ARHGAP39: variants seen among roughly 807,000 people sequenced by gnomAD.
ARHGAP39 encodes Rho GTPase activating protein 39.
A neutral mutation model predicts 106.9 loss-of-function variants in ARHGAP39; 44 were observed. The observed-to-expected ratio is 0.41, with a 90% CI of 0.32 to 0.53. ARHGAP39 has a LOEUF of 0.53. ARHGAP39 is among the 20% of genes least tolerant of loss of function. ARHGAP39 has a pLI of 0.21. For missense variants in ARHGAP39, 1,496 were observed against 1,577.3 expected (o/e 0.95, Z 0.87); for synonymous variants, 768 against 693.2 (o/e 1.11, Z -1.69).
intron 1 of ARHGAP39, among the ~76,000 whole-genome samples, chr8:144,678,705 A>G (rs2956188): frequency 0.028 from 4,245 of 152,354 alleles, 255 homozygotes; most frequent in East Asian, 0.24. Context: ...CAGCATCCCC[A>G]GCCTCCACAA....
At chr8:144,563,846 A>T (rs1818296623) in intron 3 of ARHGAP39, among the ~76,000 whole-genome samples, 2 of 152,160 alleles carry the variant, frequency 1.3e-5, no homozygotes, top group African/African-American at 4.8e-5. Flanking sequence ...TGACTTTGGA[A>T]ATTAATTTTT....
At chr8:144,588,354 A>G (rs1819260418) in intron 2 of ARHGAP39, among the ~76,000 whole-genome samples, 2 of 152,258 alleles carry the variant, frequency 1.3e-5, no homozygotes, top group Non-Finnish European at 2.9e-5. Flanking sequence ...CCAGAGGCTG[A>G]CTGCCCGGTG....
At chr8:144,551,386 A>G (rs1396653591) in intron 4 of ARHGAP39, among the ~76,000 whole-genome samples, 1 of 152,132 alleles carries the variant, frequency 6.6e-6, no homozygotes, top group African/African-American at 2.4e-5. Flanking sequence ...CCACATGCCG[A>G]TGATCCCGCC....
chr8:144,558,825 C>T (rs1312005966), intron 3 of ARHGAP39, among the ~76,000 whole-genome samples: 1 of 151,982 alleles, frequency 6.6e-6, no homozygotes, highest in Non-Finnish European at 1.5e-5. Context: ...GTAATCCCAG[C>T]ACTTTGGGAG....
chr8:144,588,188 A>C (rs1460657394), intron 2 of ARHGAP39, among the ~76,000 whole-genome samples: 1 of 152,148 alleles, frequency 6.6e-6, no homozygotes, highest in Admixed American at 6.5e-5. Flanking sequence ...CCTGCAGCTT[A>C]AGACCTGGCA....
chr8:144,595,857 G>C (rs368378981), intron 2 of ARHGAP39, among the ~76,000 whole-genome samples: 1 of 152,136 alleles, frequency 6.6e-6, no homozygotes, highest in African/African-American at 2.4e-5. Flanking sequence ...TGTCCCTCCC[G>C]CCGCGCCGCC....
In ARHGAP39 at chr8:144,684,532, G is replaced by C. The variant is rs531782673; in HGVS notation, c.-82+1154C>G. Among the ~76,000 whole-genome samples the C allele has an allele frequency of 1.3e-5, 2 of 152,334 alleles. No individual in the cohort carries two copies. The highest frequency in any genetic ancestry group is 4.8e-5 in the African/African-American group (2 of 41,568). ...AACCCGTACAGCACTGAGGGGGAGG[G>C]GGCCCGGCTGCGTTTCCGAAGCTGC... On this transcript the variant is annotated intron_variant, in intron 1 of 11. Transcript: ENST00000377307. The surrounding 1 kb of genome is among the most constrained non-coding windows in gnomAD (Gnocchi z 4.4).
chr8:144,602,322 C>T lies in ARHGAP39; in HGVS notation c.80+3213G>A, dbSNP rs566393166. ...GTGTACCTGTGTGTGTGCATGGAGG[C>T]GTGCGTGCGAGCTCGTGTACCTGTA... On this transcript the variant is annotated intron_variant, in intron 2 of 11. Transcript: ENST00000377307. 3.9e-3 allele frequency among the ~76,000 whole-genome samples: 375 copies of T among 95,992 alleles called. 2 individuals are homozygous for T. In the Middle Eastern group the frequency reaches 0.044, roughly 11 times the overall value. 63.0% of individuals were successfully genotyped at this position (95,992 alleles called of 152,430 possible). A position where few individuals can be genotyped will look rare whatever the true frequency, so the allele number is the denominator to read the frequency against.
the ARHGAP39 span, among the ~76,000 whole-genome samples, chr8:144,697,685 T>G: frequency 1.5e-3 from 222 of 152,174 alleles, no homozygotes; most frequent in Non-Finnish European, 2.5e-3. Context: ...AGAGACAGGG[T>G]TTCACCATGT....
intron 4 of ARHGAP39, among the ~76,000 whole-genome samples, chr8:144,554,055 G>A (rs186335699): frequency 5.6e-4 from 86 of 152,354 alleles, no homozygotes; most frequent in African/African-American, 1.7e-3. Flanking sequence ...AGGCTGAATC[G>A]TCAGCCAGGT....
chr8:144,605,129 G>A (rs1820234361), intron 2 of ARHGAP39, among the ~76,000 whole-genome samples: 1 of 152,116 alleles, frequency 6.6e-6, no homozygotes, highest in Non-Finnish European at 1.5e-5. Flanking sequence ...AGACGTGGTG[G>A]TGCACACCTG....
intron 1 of ARHGAP39, among the ~76,000 whole-genome samples, chr8:144,650,752 C>T (rs1046005379): frequency 1.3e-5 from 2 of 152,088 alleles, no homozygotes; most frequent in African/African-American, 2.4e-5. Context: ...AAGGAACATA[C>T]CTCAAAATAA....
intron 3 of ARHGAP39, among the ~76,000 whole-genome samples, chr8:144,565,837 C>T (rs1232779884): frequency 6.6e-6 from 1 of 150,778 alleles, no homozygotes; most frequent in Non-Finnish European, 1.5e-5. Flanking sequence ...GTGGCTCACA[C>T]TTGTCGCACT....
chr8:144,614,940 T>C (rs1212605938), intron 1 of ARHGAP39, among the ~76,000 whole-genome samples: 1 of 152,200 alleles, frequency 6.6e-6, no homozygotes, highest in African/African-American at 2.4e-5. Context: ...TCTCTGGTAG[T>C]TTCCTTATAT....
In ARHGAP39 at chr8:144,641,330, T is replaced by C. The variant is rs545317875; in HGVS notation, c.-81-35635A>G. On this transcript the variant is annotated intron_variant, in intron 1 of 11. Coordinates refer to ENST00000377307, the MANE Select transcript of ARHGAP39 (RefSeq NM_025251.3). This position sits in a 1 kb window ranked among gnomAD's most constrained non-coding sequence, Gnocchi z 5.2. Reference sequence around the variant, plus strand: ...GAATGAAAATTAACTCTTTATGTTGTATAACTGGCTGCTACAATCTGTCAA... The same window carrying C: ...GAATGAAAATTAACTCTTTATGTTGCATAACTGGCTGCTACAATCTGTCAA... 4.6e-5 allele frequency among the ~76,000 whole-genome samples: 7 copies of C among 152,174 alleles called. No homozygotes were observed. The South Asian group carries it at 1.2e-3, about 27-fold the overall frequency.
chr8:144,692,668 C>G, the ARHGAP39 span, among the ~76,000 whole-genome samples: 1 of 152,004 alleles, frequency 6.6e-6, no homozygotes, highest in East Asian at 1.9e-4. Context: ...CCACTTGGCC[C>G]CCATAAGCCA....
chr8:144,678,074 T>C (rs1822288834), intron 1 of ARHGAP39, among the ~76,000 whole-genome samples: 1 of 152,120 alleles, frequency 6.6e-6, no homozygotes, highest in Non-Finnish European at 1.5e-5. Context: ...CTGAAGCCAG[T>C]GCTCAAAGAA....
intron 3 of ARHGAP39, among the ~76,000 whole-genome samples, chr8:144,580,558 C>T (rs968972965): frequency 6.6e-6 from 1 of 151,892 alleles, no homozygotes; most frequent in African/African-American, 2.4e-5. Context: ...GACACTGAGT[C>T]CCCTGGGTCC....
chr8:144,603,180 C>G (rs1408088115), intron 2 of ARHGAP39, among the ~76,000 whole-genome samples: 10 of 66,358 alleles, frequency 1.5e-4, no homozygotes, highest in Non-Finnish European at 2.3e-4. Context: ...AGCTCATGTA[C>G]CTGTGTGTGT....
Sources: gnomAD v4.1 joint callset for allele counts (sites outside exome capture counted in the v4.1 genomes callset) on GRCh38, gnomAD v4.1.1 for gene constraint, Gnocchi (gnomAD v3.1) non-coding constraint, MANE v1.5 for transcripts, NCBI Gene and HGNC (gene_info 2026-07-23, HGNC 2026-07-21) for gene names.